The following SHROOM3 variants were observed in gnomAD, a reference collection of about 807,000 sequenced individuals.
The protein encoded by SHROOM3 is protein Shroom3.
Under a neutral mutation model 138.6 loss-of-function variants are expected in SHROOM3, and 47 were observed. The ratio of observed to expected loss-of-function variants is 0.34; its 90% CI spans 0.27 to 0.43. The LOEUF is 0.43. Among genes scored for constraint, SHROOM3 ranks in the 20% least tolerant of loss-of-function variants. SHROOM3 has a pLI of 1.00. For synonymous variants in SHROOM3, 1,062 were observed against 1,063.3 expected (o/e 1.00, Z 0.02); for missense variants, 2,491 against 2,596.5 (o/e 0.96, Z 0.88).
At chr4:76,772,194 C>A (rs903936231) in intron 10 of SHROOM3, among the ~76,000 whole-genome samples, 1 of 151,146 alleles carries the variant, frequency 6.6e-6, no homozygotes, top group Admixed American at 6.6e-5. Flanking sequence ...ACCTCTGGCT[C>A]CCGTATTCAT....
At chr4:76,515,947 G>C (rs1369726643) in intron 1 of SHROOM3, among the ~76,000 whole-genome samples, 2 of 152,172 alleles carry the variant, frequency 1.3e-5, no homozygotes, top group Admixed American at 1.3e-4. Context: ...TGGGTAGAAA[G>C]CTCAACTGTT....
chr4:76,468,562 T>TAATTATTATG (rs1731295164), intron 1 of SHROOM3, among the ~76,000 whole-genome samples: 1 of 151,162 alleles, frequency 6.6e-6, no homozygotes, highest in South Asian at 2.1e-4. Context: ...TGTTAATTCA[T>TAATTATTATG]AATTATTATG....
chr4:76,654,348 C>T (rs912774892), intron 2 of SHROOM3, among the ~76,000 whole-genome samples: 1 of 152,090 alleles, frequency 6.6e-6, no homozygotes, highest in African/African-American at 2.4e-5. Flanking sequence ...GGTGGGGAGC[C>T]ATTGAGAGCC....
At chr4:76,611,438 G>A (rs1422548281) in intron 2 of SHROOM3, among the ~76,000 whole-genome samples, 1 of 152,058 alleles carries the variant, frequency 6.6e-6, no homozygotes, top group African/African-American at 2.4e-5. Flanking sequence ...TGGCAGGGGT[G>A]AAGGGGCACA....
At chr4:76,478,186 A>G (rs143818737) in intron 1 of SHROOM3, among the ~76,000 whole-genome samples, 5,477 of 152,324 alleles carry the variant, frequency 0.036, 111 homozygotes, top group Middle Eastern at 0.071. Flanking sequence ...CTAGTTCAGC[A>G]GATCCCACCC....
intron 2 of SHROOM3, among the ~76,000 whole-genome samples, chr4:76,676,000 A>AT (rs1221512292): frequency 6.6e-6 from 1 of 152,220 alleles, no homozygotes; most frequent in African/African-American, 2.4e-5. Flanking sequence ...ATTAAACAGG[A>AT]TAAGGAAAAT....
chr4:76,641,597 G>A (rs976803171), intron 2 of SHROOM3, among the ~76,000 whole-genome samples: 4 of 152,216 alleles, frequency 2.6e-5, no homozygotes, highest in African/African-American at 7.2e-5. Context: ...ACACAGGTGC[G>A]TAATCTCTGG....
chr4:76,491,712 T>C (rs985744050), intron 1 of SHROOM3, among the ~76,000 whole-genome samples: 3 of 152,118 alleles, frequency 2.0e-5, no homozygotes, highest in African/African-American at 7.2e-5. Flanking sequence ...ACCAGGACCG[T>C]CTGCCTCTCT....
chr4:76,467,391 G>A (rs553482196), intron 1 of SHROOM3, among the ~76,000 whole-genome samples: 1 of 152,052 alleles, frequency 6.6e-6, no homozygotes, highest in African/African-American at 2.4e-5. Flanking sequence ...GCTTAGATAA[G>A]TGAAATAAGC....
chr4:76,556,886 CTG>C (rs1733494623), intron 2 of SHROOM3, among the ~76,000 whole-genome samples: 2 of 152,322 alleles, frequency 1.3e-5, no homozygotes, highest in South Asian at 4.2e-4. Flanking sequence ...TGTGGTCCCA[CTG>C]TGTCTCCAGG....
At chr4:76,470,312 A>T (rs1021884383) in intron 1 of SHROOM3, among the ~76,000 whole-genome samples, 1 of 152,230 alleles carries the variant, frequency 6.6e-6, no homozygotes, top group Non-Finnish European at 1.5e-5. Flanking sequence ...CTTGAAAACC[A>T]GTTCTCAAGA....
chr4:76,630,075 A>G (rs1247888353), intron 2 of SHROOM3, among the ~76,000 whole-genome samples: 1 of 133,668 alleles, frequency 7.5e-6, no homozygotes, highest in African/African-American at 4.1e-5. Flanking sequence ...TTTTAACTAC[A>G]GTAGCACTGC....
intron 1 of SHROOM3, among the ~76,000 whole-genome samples, chr4:76,535,182 C>G (rs1332815833): frequency 6.6e-6 from 1 of 152,102 alleles, no homozygotes; most frequent in Non-Finnish European, 1.5e-5. Context: ...AGAGTAGACT[C>G]CATTAACTAC....
chr4:76,691,087 C>T (rs1434204595), intron 2 of SHROOM3, among the ~76,000 whole-genome samples: 2 of 152,180 alleles, frequency 1.3e-5, no homozygotes, highest in Admixed American at 1.3e-4. Context: ...ACCATTAAGG[C>T]GAGGTGCCCA....
intron 2 of SHROOM3, among the ~76,000 whole-genome samples, chr4:76,651,120 C>T (rs754558557): frequency 2.5e-4 from 38 of 151,798 alleles, no homozygotes; most frequent in Non-Finnish European, 4.4e-4. Flanking sequence ...AAGGATGTTA[C>T]CATAGGCTGG....
At chr4:76,640,361 G>A (rs898512992) in intron 2 of SHROOM3, among the ~76,000 whole-genome samples, 51 of 152,258 alleles carry the variant, frequency 3.3e-4, no homozygotes, top group African/African-American at 1.1e-3. Context: ...ATGCTCTCCC[G>A]CGTCAGAAGT....
At chr4:76,554,009 T>C (rs1733424192) in intron 1 of SHROOM3, among the ~76,000 whole-genome samples, 1 of 152,226 alleles carries the variant, frequency 6.6e-6, no homozygotes, top group East Asian at 1.9e-4. Context: ...CTTGGTGCTG[T>C]ACATTCTATG....
Position 76,624,721 on chromosome 4 carries a change from A to G in SHROOM3, c.323+68958A>G, listed in dbSNP as rs76671494. Among the ~76,000 whole-genome samples the G allele has an allele frequency of 7.5e-3, 1,147 of 152,362 alleles. 14 individuals are homozygous for G. Among genetic ancestry groups the G allele is most frequent in the Non-Finnish European group, 0.013 (913 of 68,026 alleles). On this transcript the variant is annotated intron_variant, in intron 2 of 10. Transcript: ENST00000296043. ...GTCTGAAATGAATCAATGTGTTAAC[A>G]TCTGTACTAATATGAGTGTATATGT...
At chr4:76,713,385 C>G (rs1720287430) in intron 3 of SHROOM3, among the ~76,000 whole-genome samples, 1 of 151,896 alleles carries the variant, frequency 6.6e-6, no homozygotes, top group African/African-American at 2.4e-5. Flanking sequence ...CAAACACACA[C>G]TCTAGCCTAG....
Sources: allele counts gnomAD v4.1 joint callset (sites outside exome capture counted in the v4.1 genomes callset), GRCh38; gene constraint gnomAD v4.1.1; transcripts MANE v1.5; gene names NCBI Gene and HGNC (gene_info 2026-07-23, HGNC 2026-07-21).